EXOSC3: variants seen among roughly 807,000 people sequenced by gnomAD.
EXOSC3 encodes the protein exosome component 3.
A neutral mutation model predicts 25.1 loss-of-function variants in EXOSC3; 18 were observed. That is an observed-to-expected ratio of 0.72 (90% CI 0.50 to 1.06). EXOSC3 has a LOEUF of 1.06. Among genes scored for constraint, EXOSC3 ranks in the 50% least tolerant of loss-of-function variants. EXOSC3 has a pLI of 0.00. For missense variants in EXOSC3, 382 were observed against 350.9 expected (o/e 1.09, Z -0.71); for synonymous variants, 165 against 132.2 (o/e 1.25, Z -1.70).
Position 37,783,906 on chromosome 9 carries a change from G to A in EXOSC3, c.474+8C>T, listed in dbSNP as rs778400947. ...TGTTTCTTTGAAACCAAAGGCTCCC[G>A]TAATTACCTGCACATTTGGTCTGTT... On this transcript the variant is annotated splice_region_variant and intron_variant, in intron 2 of 3. Coordinates refer to ENST00000327304, the MANE Select transcript of EXOSC3 (RefSeq NM_016042.4). The A allele has an allele frequency of 3.3e-5, 53 of 1,609,040 alleles. 1 individual carries two copies. The highest frequency in any genetic ancestry group is 2.2e-5 in the East Asian group (1 of 44,816).
chr9:37,784,108 T>G, intron 1 of EXOSC3, 45 bp from the exon 2 acceptor site: 1 of 1,584,540 alleles, frequency 6.3e-7, no homozygotes, highest in Non-Finnish European at 8.6e-7. Flanking sequence ...AATGACAAGA[T>G]ACCATTGGAA....
In EXOSC3 at chr9:37,780,708, G is replaced by C; in HGVS notation, c.799C>G (p.Gln267Glu). 1 of 1,613,828 alleles carries C rather than the reference G, an allele frequency of 6.2e-7. No homozygotes were observed. The highest frequency in any genetic ancestry group is 8.5e-7 in the Non-Finnish European group (1 of 1,179,874). ...CTTTCTGCCAATCTGGAGAAGATCT[G>C]TTTTCTTTGATCTGACGTCATGTGT... The part of the protein sequence containing the change: ...CEHMTSDQRK[Q>E]IFSRLAES The change falls in exon 4 of 4, where the codon CAG becomes GAG. Residue 267 changes from glutamine (Q) to glutamate (E), a missense_variant. Coordinates refer to ENST00000327304, the MANE Select transcript of EXOSC3 (RefSeq NM_016042.4).
At position 37,781,899 on chromosome 9, in the gene EXOSC3, C is replaced by A. The variant is rs1589059644; in HGVS notation, c.626+87G>T. The A allele has an allele frequency of 2.0e-5, 29 of 1,422,454 alleles. 1 individual carries two copies. In the East Asian group the frequency reaches 6.7e-4, roughly 33 times the overall value. The allele number at this position is 1,422,454 out of a possible 1,614,324, so 88.1% of individuals were successfully genotyped here. On this transcript the variant is annotated intron_variant, in intron 3 of 3. Transcript: ENST00000327304. ...ACTCTGAGGAGAAATTCAAACGTTA[C>A]AAAGAATCTGAATCCTGAAGATTAA... is the stretch of plus-strand genomic sequence containing the variant.
In EXOSC3 at chr9:37,780,764, A is replaced by T. The variant is rs561283125; in HGVS notation, c.743T>A (p.Leu248Ter). The T allele has an allele frequency of 6.2e-7, 1 of 1,614,032 alleles. No homozygotes were observed. The highest frequency in any genetic ancestry group is 1.1e-5 in the South Asian group (1 of 91,078). Residue 248 changes from leucine to a stop codon, truncating the protein, a stop_gained, in exon 4 of 4, where the codon TTA (leucine) becomes TAA (stop). Coordinates refer to ENST00000327304, the MANE Select transcript of EXOSC3 (RefSeq NM_016042.4). LOFTEE classifies it high-confidence loss of function. ...WVKAKTIQQT[L>*]ILANILEACE... The stretch of plus-strand genomic sequence containing the variant: ...AGCTTCTAAAATGTTTGCCAAAATT[A>T]AAGTCTGCTGGATGGTTTTTGCCTT...
intron 2 of EXOSC3, 39 bp downstream of exon 2, chr9:37,783,875 G>C: frequency 1.3e-6 from 2 of 1,599,144 alleles, no homozygotes; most frequent in Non-Finnish European, 1.7e-6. Flanking sequence ...CTAGGGAATG[G>C]ATGTTTGTTT....
At chr9:37,784,568 A>G in intron 1 of EXOSC3, 153 bp downstream of exon 1, 1 of 838,896 alleles carries the variant, frequency 1.2e-6, no homozygotes, top group Non-Finnish European at 1.8e-6. Flanking sequence ...CGGTCCCTCT[A>G]AAGGACATGC....
intron 1 of EXOSC3, 48 bp downstream of exon 1, chr9:37,784,673 G>A: frequency 6.5e-7 from 1 of 1,530,516 alleles, no homozygotes; most frequent in Non-Finnish European, 8.8e-7. Context: ...TCTCAAAGCA[G>A]GGCTACCACT....
At position 37,784,862 on chromosome 9, in the gene EXOSC3, C is replaced by A; in HGVS notation, c.183G>T (p.Ser61=). Residue 61 remains serine, a synonymous_variant, in exon 1 of 4, where the codon TCG becomes TCT. Coordinates refer to ENST00000327304, the MANE Select transcript of EXOSC3 (RefSeq NM_016042.4). ...RPLSLNARAC[S]RVRVVCGPGL... Reference sequence around the variant, plus strand: ...CCGGACCGCATACAACGCGCACCCGCGAGCACGCTCTAGCATTCAGGCTCA... The same window carrying A: ...CCGGACCGCATACAACGCGCACCCGAGAGCACGCTCTAGCATTCAGGCTCA... 1 of 1,607,510 alleles carries A rather than the reference C, an allele frequency of 6.2e-7. No individual in the cohort carries two copies. Among genetic ancestry groups the A allele is most frequent in the Non-Finnish European group, 8.5e-7 (1 of 1,177,152 alleles).
rs964787467 is a variant in EXOSC3 at position 37,779,922 on chromosome 9, T to C, written c.*757A>G. The C allele has an allele frequency of 1.3e-5, 2 of 152,174 alleles. No individual in the cohort carries two copies. The highest frequency in any genetic ancestry group is 2.9e-5 in the Non-Finnish European group (2 of 68,024). 9.4% of individuals were successfully genotyped at this position (152,174 alleles called of 1,614,324 possible). On this transcript the variant is annotated 3_prime_UTR_variant, in exon 4 of 4. Coordinates refer to ENST00000327304, the MANE Select transcript of EXOSC3 (RefSeq NM_016042.4). ...AGAAGAGTTTTCTATGCTTAGCTCC[T>C]AGGAAATGATTTTAGCAAAATAAGA...
At chr9:37,781,708 A>G (rs908851980) in intron 3 of EXOSC3, 1 of 318,704 alleles carries the variant, frequency 3.1e-6, no homozygotes, top group African/African-American at 2.2e-5. Flanking sequence ...TCAAATAAGC[A>G]ACAGGCCTGG....
intron 1 of EXOSC3, 143 bp downstream of exon 1, chr9:37,784,578 C>A: frequency 2.2e-6 from 2 of 907,642 alleles, no homozygotes; most frequent in African/African-American, 3.3e-5. Flanking sequence ...AAAGGACATG[C>A]AGAAGTGGGC....
rs1828657319 is a variant in EXOSC3, at chr9:37,784,285, G to A, written c.325-222C>T. On this transcript the variant is annotated intron_variant, in intron 1 of 3. Transcript: ENST00000327304. ...CATTATCTCTTAGGCACCCCAACCA[G>A]TAAGTCTCTAGCTTTGTGGCATAAG... is the stretch of plus-strand genomic sequence containing the variant. 3 of 526,820 alleles carry A rather than the reference G, an allele frequency of 5.7e-6. No individual in the cohort carries two copies. In the African/African-American group the frequency reaches 5.8e-5, roughly 10 times the overall value. 32.6% of individuals were successfully genotyped at this position (526,820 alleles called of 1,614,324 possible). A position where few individuals can be genotyped will look rare whatever the true frequency, so the allele number is the denominator to read the frequency against.
In EXOSC3 at chr9:37,780,789, T is replaced by G; in HGVS notation, c.718A>C (p.Lys240Gln). Residue 240 changes from lysine to glutamine, a missense_variant, in exon 4 of 4, where the codon AAG (lysine) becomes CAG (glutamine). Transcript: ENST00000327304. ...VFGMNGRIWV[K>Q]AKTIQQTLIL... is the part of the protein sequence containing the mutation. Reference sequence around the variant, plus strand: ...AAAGTCTGCTGGATGGTTTTTGCCTTAACCCATATTCTTCCATTCATTCCA... The same window carrying G: ...AAAGTCTGCTGGATGGTTTTTGCCTGAACCCATATTCTTCCATTCATTCCA... 6.2e-7 allele frequency: 1 copy of G among 1,613,984 alleles called. No individual in the cohort carries two copies. Among genetic ancestry groups the G allele is most frequent in the South Asian group, 1.1e-5 (1 of 91,080 alleles).
rs573361407 is a variant in EXOSC3 at position 37,780,667 on chromosome 9, A to C, written c.*12T>G. 7 of 1,611,892 alleles carry C rather than the reference A, an allele frequency of 4.3e-6. No homozygotes were observed. The East Asian group carries it at 1.3e-4, about 31-fold the overall frequency. On this transcript the variant is annotated 3_prime_UTR_variant, in exon 4 of 4. Coordinates refer to ENST00000327304, the MANE Select transcript of EXOSC3 (RefSeq NM_016042.4). The stretch of plus-strand genomic sequence containing the variant: ...TTTTGCCTCAACTGACCTGTAAAAA[A>C]GTCCACCTATATCAACTTTCTGCCA...
rs1319931002 is a variant in EXOSC3 at position 37,784,077 on chromosome 9, CAGAA to C, written c.325-18_325-15del. 6.3e-7 allele frequency: 1 copy of C among 1,595,682 alleles called. No homozygotes were observed. Among genetic ancestry groups the C allele is most frequent in the African/African-American group, 1.4e-5 (1 of 73,544 alleles). On this transcript the variant is annotated splice_polypyrimidine_tract_variant and intron_variant, in intron 1 of 3. Coordinates refer to ENST00000327304, the MANE Select transcript of EXOSC3 (RefSeq NM_016042.4). Reference sequence around the variant, plus strand: ...TACTGGAACATACTACAAAAAGAAACAGAATGAAAAAACAGCCATAAATGACAAG... The same window carrying C: ...TACTGGAACATACTACAAAAAGAAACTGAAAAAACAGCCATAAATGACAAG...
intron 1 of EXOSC3, 141 bp downstream of exon 1, chr9:37,784,580 G>A: frequency 1.1e-6 from 1 of 922,036 alleles, no homozygotes; most frequent in East Asian, 2.7e-5. Context: ...AGGACATGCA[G>A]AAGTGGGCAC....
At chr9:37,784,467 T>C in intron 1 of EXOSC3, 1 of 554,640 alleles carries the variant, frequency 1.8e-6, no homozygotes, top group South Asian at 2.5e-5. Flanking sequence ...GCAGGCCTGC[T>C]GTGGGGTTTT....
chr9:37,781,515 G>A (rs991083585), intron 3 of EXOSC3, among the ~76,000 whole-genome samples: 1 of 151,740 alleles, frequency 6.6e-6, no homozygotes, highest in African/African-American at 2.4e-5. Flanking sequence ...ACCTCAGTAT[G>A]CCTCAGTATG....
chr9:37,783,621 G>A (rs1389713390), intron 2 of EXOSC3, among the ~76,000 whole-genome samples: 2 of 152,106 alleles, frequency 1.3e-5, no homozygotes, highest in Non-Finnish European at 2.9e-5. Context: ...AGAGGATATG[G>A]ACATAACAAA....
Sources: gnomAD v4.1 joint callset for allele counts (sites outside exome capture counted in the v4.1 genomes callset) on GRCh38, gnomAD v4.1.1 for gene constraint, MANE v1.5 for transcripts, NCBI Gene and HGNC (gene_info 2026-07-23, HGNC 2026-07-21) for gene names.